HHAT: variants seen among roughly 807,000 people sequenced by gnomAD.
HHAT encodes the protein hedgehog acyltransferase.
In HHAT, 47 loss-of-function variants were observed where a neutral mutation model predicts 70.8. That is an observed-to-expected ratio of 0.66 (90% CI 0.53 to 0.85). The LOEUF (loss-of-function observed/expected upper bound fraction) is 0.85, where lower values mean the gene tolerates loss of function less well. Ranked by LOEUF, HHAT falls within the 40% of genes least tolerant of loss-of-function variation. The pLI, the probability that HHAT is intolerant of heterozygous loss-of-function variation, is 0.00. For missense variants in HHAT, 609 were observed against 604.8 expected, an observed-to-expected ratio of 1.01 and a Z score of -0.07; for synonymous variants, 228 against 247.6, an observed-to-expected ratio of 0.92 and a Z score of 0.74.
At chr1:210,545,043 C>T (rs1399062225) in intron 9 of HHAT, among the ~76,000 whole-genome samples, 3 of 152,006 alleles carry the variant, frequency 2.0e-5, no homozygotes, top group Admixed American at 6.6e-5. Context: ...TGTTCTCTTC[C>T]TCCTACCCGT....
At chr1:210,341,286 T>C (rs1265677125) in intron 1 of HHAT, among the ~76,000 whole-genome samples, 2 of 152,180 alleles carry the variant, frequency 1.3e-5, no homozygotes, top group African/African-American at 4.8e-5. Flanking sequence ...GTGCTTGATA[T>C]CAAGATTTAA....
In HHAT at chr1:210,623,530, G is replaced by A. The variant is rs372287242; in HGVS notation, c.1250G>A (p.Arg417Gln). The A allele has an allele frequency of 1.2e-4, 193 of 1,613,772 alleles. No individual in the cohort carries two copies. The highest frequency in any genetic ancestry group is 6.6e-4 in the Middle Eastern group (4 of 6,078). ...ETPCIQDSLARYFSPQARRRF... is the reference protein window; with the variant it reads ...ETPCIQDSLAQYFSPQARRRF... ...TTCTTGCCATTTTTCCCGTAGGCCC[G>A]ATACTTCTCCCCACAAGCTCGCCGT... is the stretch of plus-strand genomic sequence containing the variant. Residue 417 changes from arginine (R) to glutamine (Q), a missense_variant, in exon 11 of 12, where the codon CGA becomes CAA. Transcript: ENST00000261458.
chr1:210,491,064 A>AGAGAGTGT (rs71785485), intron 8 of HHAT, among the ~76,000 whole-genome samples: 1,635 of 36,206 alleles, frequency 0.045, 24 homozygotes, highest in African/African-American at 0.094. Flanking sequence ...ACACACACAT[A>AGAGAGTGT]GTGTGTGTGT....
intron 9 of HHAT, among the ~76,000 whole-genome samples, chr1:210,527,237 C>T (rs2095261179): frequency 6.6e-6 from 1 of 152,080 alleles, no homozygotes; most frequent in African/African-American, 2.4e-5. Flanking sequence ...AGCTCAGACT[C>T]CCCTGGAAGC....
At chr1:210,462,497 A>G (rs933487016) in intron 7 of HHAT, 1 of 152,192 alleles carries the variant, frequency 6.6e-6, no homozygotes, top group African/African-American at 2.4e-5. Flanking sequence ...ATTTTATGAT[A>G]GTATTCACAT....
intron 8 of HHAT, among the ~76,000 whole-genome samples, chr1:210,475,250 A>G (rs1021573387): frequency 6.6e-6 from 1 of 152,104 alleles, no homozygotes; most frequent in Non-Finnish European, 1.5e-5. Flanking sequence ...TTACCTTGCC[A>G]TCCATCATGC....
chr1:210,347,367 C>T (rs2086616445), intron 1 of HHAT, among the ~76,000 whole-genome samples: 1 of 152,134 alleles, frequency 6.6e-6, no homozygotes, highest in Admixed American at 6.5e-5. Context: ...GTTGTGAAAA[C>T]AAAATGAGAT....
intron 7 of HHAT, among the ~76,000 whole-genome samples, chr1:210,435,882 T>G (rs1262517057): frequency 6.6e-6 from 1 of 151,818 alleles, no homozygotes; most frequent in Non-Finnish European, 1.5e-5. Flanking sequence ...TGTTAGATAG[T>G]CTGTAAATAT....
Position 210,573,426 on chromosome 1 carries a change from A to C in HHAT, c.1044-14472A>C, listed in dbSNP as rs115385020. 6.6e-3 allele frequency among the ~76,000 whole-genome samples: 1,003 copies of C among 152,314 alleles called. 18 individuals carry two copies. The highest frequency in any genetic ancestry group is 0.023 in the African/African-American group (953 of 41,568). On this transcript the variant is annotated intron_variant, in intron 9 of 11. Transcript: ENST00000261458. ...AGGAAGAGGTATTGTCGGGAAAGTTAACCCAAGTAATCCAGCACAAAGGCC... is the reference window on the plus strand; with the variant it reads ...AGGAAGAGGTATTGTCGGGAAAGTTCACCCAAGTAATCCAGCACAAAGGCC...
chr1:210,429,103 T>G (rs916941096), intron 7 of HHAT, among the ~76,000 whole-genome samples: 1 of 151,828 alleles, frequency 6.6e-6, no homozygotes, highest in African/African-American at 2.4e-5. Context: ...ATACTTAAAC[T>G]TTTCCCCAAT....
intron 7 of HHAT, among the ~76,000 whole-genome samples, chr1:210,449,431 T>G (rs1287332827): frequency 6.6e-6 from 1 of 152,192 alleles, no homozygotes; most frequent in Non-Finnish European, 1.5e-5. Context: ...GTCGCTGAAG[T>G]TGCATCACCA....
chr1:210,374,935 T>A (rs1053774653), intron 3 of HHAT, among the ~76,000 whole-genome samples: 1 of 151,918 alleles, frequency 6.6e-6, no homozygotes, highest in African/African-American at 2.4e-5. Flanking sequence ...TTACCAGTCC[T>A]CCCTGCCACC....
At chr1:210,359,652 G>T (rs185313892) in intron 2 of HHAT, among the ~76,000 whole-genome samples, 4 of 152,120 alleles carry the variant, frequency 2.6e-5, no homozygotes, top group Admixed American at 6.6e-5. Flanking sequence ...AAGGTCAGGA[G>T]TTCGAGACCA....
At chr1:210,553,287 T>G (rs943226582) in intron 9 of HHAT, among the ~76,000 whole-genome samples, 1 of 152,170 alleles carries the variant, frequency 6.6e-6, no homozygotes, top group African/African-American at 2.4e-5. Context: ...TTTGCTCTTC[T>G]TCAGCTGTCA....
At chr1:210,450,963 TG>T (rs1409940853) in intron 7 of HHAT, among the ~76,000 whole-genome samples, 4 of 151,714 alleles carry the variant, frequency 2.6e-5, no homozygotes, top group Non-Finnish European at 5.9e-5. Flanking sequence ...GGTGGGCACC[TG>T]TAGTCCCAGC....
chr1:210,452,778 T>C (rs1245662586), intron 7 of HHAT, among the ~76,000 whole-genome samples: 1 of 152,196 alleles, frequency 6.6e-6, no homozygotes, highest in African/African-American at 2.4e-5. Context: ...CCATGGTAAA[T>C]CCAGGTATAT....
At chr1:210,644,573 A>G (rs1673640280) in intron 11 of HHAT, among the ~76,000 whole-genome samples, 1 of 139,056 alleles carries the variant, frequency 7.2e-6, no homozygotes, top group African/African-American at 2.7e-5. Flanking sequence ...ACTGCACTCC[A>G]GTCTGAGTGA....
intron 10 of HHAT, among the ~76,000 whole-genome samples, chr1:210,613,987 T>C (rs1573735999): frequency 7.4e-6 from 1 of 135,402 alleles, no homozygotes; most frequent in Admixed American, 8.3e-5. Context: ...GCTACTGCAC[T>C]CCAGCCTGGA....
chr1:210,487,791 C>T (rs2094495057), intron 8 of HHAT, among the ~76,000 whole-genome samples: 1 of 152,180 alleles, frequency 6.6e-6, no homozygotes, highest in Admixed American at 6.5e-5. Context: ...AGGAAGTGCT[C>T]ATTAATGTTC....
Sources: allele counts gnomAD v4.1 joint callset (sites outside exome capture counted in the v4.1 genomes callset), GRCh38; gene constraint gnomAD v4.1.1; transcripts MANE v1.5; gene names NCBI Gene and HGNC (gene_info 2026-07-23, HGNC 2026-07-21).